POMGNT2: variants seen among roughly 807,000 people sequenced by gnomAD.
POMGNT2 encodes the protein protein O-linked mannose N-acetylglucosaminyltransferase 2 (beta 1,4-).
In POMGNT2, 32 loss-of-function variants were observed where a neutral mutation model predicts 37.8. That is an observed-to-expected ratio of 0.85 (90% CI 0.64 to 1.14). The LOEUF (loss-of-function observed/expected upper bound fraction) is 1.14, where lower values mean the gene tolerates loss of function less well. POMGNT2 is among the 50% of genes most tolerant of loss of function. The probability of loss-of-function intolerance (pLI) is 0.00; values close to 1 mark genes in which losing one functional copy is unlikely to be tolerated. For missense variants in POMGNT2, 705 were observed against 780.6 expected, an observed-to-expected ratio of 0.90 and a Z score of 1.15; for synonymous variants, 340 against 336.8, an observed-to-expected ratio of 1.01 and a Z score of -0.10.
rs2089823468 is a variant in POMGNT2, at chr3:43,079,300, G to A, written c.*389C>T. ...CTGGGCTACAGGTAAATTTCACTGG[G>A]ATGGAAGCAGATGAACCACCCAATC... On this transcript the variant is annotated 3_prime_UTR_variant, in exon 2 of 2. Transcript: ENST00000344697. The A allele has an allele frequency of 1.1e-5, 2 of 176,334 alleles. No homozygotes were observed. Among genetic ancestry groups the A allele is most frequent in the Non-Finnish European group, 2.4e-5 (2 of 84,874 alleles). 10.9% of individuals were successfully genotyped at this position (176,334 alleles called of 1,614,324 possible).
chr3:43,097,818 T>G (rs989907219), intron 1 of POMGNT2, among the ~76,000 whole-genome samples: 2 of 152,318 alleles, frequency 1.3e-5, no homozygotes, highest in South Asian at 4.1e-4. Flanking sequence ...TCAAATTGAG[T>G]GAAGACAACG....
At chr3:43,095,285 C>T (rs1428686533) in intron 1 of POMGNT2, among the ~76,000 whole-genome samples, 1 of 152,218 alleles carries the variant, frequency 6.6e-6, no homozygotes, top group East Asian at 1.9e-4. Context: ...TACTTAGTGC[C>T]TTCCTGAAAA....
intron 1 of POMGNT2, among the ~76,000 whole-genome samples, chr3:43,096,811 G>C (rs919683913): frequency 2.0e-5 from 3 of 152,172 alleles, no homozygotes; most frequent in African/African-American, 4.8e-5. Flanking sequence ...AACATGCCTA[G>C]AAAATCCCTT....
At chr3:43,086,539 T>C (rs904778996) in intron 1 of POMGNT2, among the ~76,000 whole-genome samples, 2 of 152,214 alleles carry the variant, frequency 1.3e-5, no homozygotes, top group African/African-American at 4.8e-5. Flanking sequence ...ATGCCATGCA[T>C]GTGACTCTTC....
At position 43,080,018 on chromosome 3, in the gene POMGNT2, G is replaced by A. The variant is rs143892607; in HGVS notation, c.1414C>T (p.Arg472Trp). The A allele has an allele frequency of 8.7e-6, 14 of 1,613,880 alleles. No individual in the cohort carries two copies. Among genetic ancestry groups the A allele is most frequent in the African/African-American group, 8.0e-5 (6 of 75,066 alleles). ...AGGCCGACTGTCCACTTCTGCTTCC[G>A]TGGTCCTGGCCGGCCCTTCACCACG... ...RRVVKGRPGP[R>W]KQKWTVGLYP... Residue 472 changes from arginine (R) to tryptophan (W), a missense_variant, in exon 2 of 2, where the codon CGG becomes TGG. Arg to Trp is a moderately radical substitution (Grantham distance 101). Coordinates refer to ENST00000344697, the MANE Select transcript of POMGNT2 (RefSeq NM_032806.6).
chr3:43,099,388 T>C (rs1194855814), intron 1 of POMGNT2, among the ~76,000 whole-genome samples: 2 of 152,184 alleles, frequency 1.3e-5, no homozygotes, highest in Non-Finnish European at 2.9e-5. Flanking sequence ...GAGGATAAGA[T>C]GAGCATCTCT....
At position 43,082,267 on chromosome 3, in the gene POMGNT2, T is replaced by C. The variant is rs187675910; in HGVS notation, c.-105-731A>G. On this transcript the variant is annotated intron_variant, in intron 1 of 1. Coordinates refer to ENST00000344697, the MANE Select transcript of POMGNT2 (RefSeq NM_032806.6). ...GAGATCTGTGAACACTGTTCCCAGG[T>C]TGCACACCAAGACCCCAGTATGCCG... Among the ~76,000 whole-genome samples, 117 of 152,288 alleles carry C rather than the reference T, an allele frequency of 7.7e-4. 1 individual carries two copies. The highest frequency in any genetic ancestry group is 6.5e-3 in the Admixed American group (100 of 15,296).
chr3:43,080,543 T>G lies in POMGNT2; in HGVS notation c.889A>C (p.Asn297His). Residue 297 changes from asparagine (N) to histidine (H), a missense_variant, in exon 2 of 2, where the codon AAC (asparagine) becomes CAC (histidine). Coordinates refer to ENST00000344697, the MANE Select transcript of POMGNT2 (RefSeq NM_032806.6). ...EYILVFSRTQNRLILNEAELL... is the reference protein window; with the variant it reads ...EYILVFSRTQHRLILNEAELL... ...TCTGCCTCATTCAGAATGAGTCTGT[T>G]CTGGGTTCGGCTAAAGACCAGAATG... 1 of 1,614,202 alleles carries G rather than the reference T, an allele frequency of 6.2e-7. No homozygotes were observed. The highest frequency in any genetic ancestry group is 8.5e-7 in the Non-Finnish European group (1 of 1,180,028).
chr3:43,104,691 A>G (rs2090044522), intron 1 of POMGNT2, among the ~76,000 whole-genome samples: 1 of 152,208 alleles, frequency 6.6e-6, no homozygotes, highest in Non-Finnish European at 1.5e-5. Flanking sequence ...GGCAGCTAGT[A>G]CCATTAAAGA....
intron 1 of POMGNT2, among the ~76,000 whole-genome samples, chr3:43,096,966 GATA>G (rs1362584178): frequency 1.3e-5 from 2 of 152,134 alleles, no homozygotes; most frequent in African/African-American, 4.8e-5. Context: ...AGCATCAGAG[GATA>G]ATGTCAAAAA....
chr3:43,082,695 G>A (rs2089866346), intron 1 of POMGNT2, among the ~76,000 whole-genome samples: 1 of 152,226 alleles, frequency 6.6e-6, no homozygotes, highest in Non-Finnish European at 1.5e-5. Flanking sequence ...CCGGGAGGGA[G>A]TAGCTGCTCC....
intron 1 of POMGNT2, among the ~76,000 whole-genome samples, chr3:43,097,565 T>C (rs1358143140): frequency 1.3e-5 from 2 of 152,070 alleles, no homozygotes; most frequent in East Asian, 3.9e-4. Context: ...AACACTCTGA[T>C]CTCTTTTCCT....
intron 1 of POMGNT2, among the ~76,000 whole-genome samples, chr3:43,100,941 C>A (rs1373127516): frequency 1.3e-5 from 2 of 152,306 alleles, no homozygotes; most frequent in East Asian, 3.9e-4. Context: ...CTGGGACACT[C>A]ACCTTGGGGC....
intron 1 of POMGNT2, among the ~76,000 whole-genome samples, chr3:43,096,187 C>T (rs1235679093): frequency 2.0e-5 from 3 of 152,108 alleles, no homozygotes; most frequent in Non-Finnish European, 2.9e-5. Flanking sequence ...GAGTTTTGGC[C>T]CCTCCACTGC....
At chr3:43,086,800 G>C (rs1254864837) in intron 1 of POMGNT2, among the ~76,000 whole-genome samples, 1 of 152,192 alleles carries the variant, frequency 6.6e-6, no homozygotes, top group Admixed American at 6.5e-5. Flanking sequence ...CAAAGGAGTG[G>C]CTTCATTTTT....
chr3:43,079,626 A>G lies in POMGNT2; in HGVS notation c.*63T>C. ...TCCCAGAAGTCTCCACAGTGGGATT[A>G]ATGGGCCCAGGGACGCTGAACTGCA... On this transcript the variant is annotated 3_prime_UTR_variant, in exon 2 of 2. Coordinates refer to ENST00000344697, the MANE Select transcript of POMGNT2 (RefSeq NM_032806.6). 1 of 1,430,832 alleles carries G rather than the reference A, an allele frequency of 7.0e-7. No homozygotes were observed. The highest frequency in any genetic ancestry group is 9.6e-7 in the Non-Finnish European group (1 of 1,042,184). The allele number at this position is 1,430,832 out of a possible 1,614,324, so 88.6% of individuals were successfully genotyped here.
At chr3:43,097,082 G>A (rs1392504242) in intron 1 of POMGNT2, among the ~76,000 whole-genome samples, 1 of 152,190 alleles carries the variant, frequency 6.6e-6, no homozygotes, top group African/African-American at 2.4e-5. Flanking sequence ...GCTGGGTGCA[G>A]GCTGTACTTC....
intron 1 of POMGNT2, among the ~76,000 whole-genome samples, chr3:43,086,819 G>C (rs538449972): frequency 2.0e-5 from 3 of 152,260 alleles, no homozygotes; most frequent in African/African-American, 7.2e-5. Context: ...TTTGTTCTCA[G>C]AAGGGAGAAA....
At position 43,079,384 on chromosome 3, in the gene POMGNT2, A is replaced by G; in HGVS notation, c.*305T>C. ...TGGATACCAGAAAAACTCAGTAGGA[A>G]ACATCAGGATCACCTAGCCAGAGGT... On this transcript the variant is annotated 3_prime_UTR_variant, in exon 2 of 2. Coordinates refer to ENST00000344697, the MANE Select transcript of POMGNT2 (RefSeq NM_032806.6). 2.9e-6 allele frequency: 1 copy of G among 350,508 alleles called. No homozygotes were observed. The highest frequency in any genetic ancestry group is 6.0e-5 in the South Asian group (1 of 16,670). The allele number at this position is 350,508 out of a possible 1,614,324, so 21.7% of individuals were successfully genotyped here.
Sources: gnomAD v4.1 joint callset for allele counts (sites outside exome capture counted in the v4.1 genomes callset) on GRCh38, gnomAD v4.1.1 for gene constraint, MANE v1.5 for transcripts, NCBI Gene and HGNC (gene_info 2026-07-23, HGNC 2026-07-21) for gene names.